Variants in LUZP2 observed in about 807,000 individuals in gnomAD.
LUZP2 encodes leucine zipper protein 2.
A neutral mutation model predicts 51.6 loss-of-function variants in LUZP2; 52 were observed. That is an observed-to-expected ratio of 1.01 (90% CI 0.81 to 1.27). The LOEUF (loss-of-function observed/expected upper bound fraction) is 1.27. Ranked by LOEUF, LUZP2 falls within the 50% of genes most tolerant of loss-of-function variation. The pLI is 0.00. For synonymous variants in LUZP2, 154 were observed against 137.3 expected (o/e 1.12, Z -0.85); for missense variants, 436 against 395.4 (o/e 1.10, Z -0.87).
chr11:24,836,847 G>T (rs932671367), intron 5 of LUZP2, among the ~76,000 whole-genome samples: 1 of 151,800 alleles, frequency 6.6e-6, no homozygotes, highest in Admixed American at 6.6e-5. Context: ...TAAAGTCCAA[G>T]TTTAGCTGGT....
intron 5 of LUZP2, among the ~76,000 whole-genome samples, chr11:24,812,184 T>C (rs1213260733): frequency 6.9e-6 from 1 of 144,748 alleles, no homozygotes; most frequent in Non-Finnish European, 1.5e-5. Flanking sequence ...TGAGGATGCA[T>C]TGCAGAATGA....
At chr11:24,665,182 G>A (rs113059293) in intron 1 of LUZP2, among the ~76,000 whole-genome samples, 2,278 of 152,234 alleles carry the variant, frequency 0.015, 26 homozygotes, top group Middle Eastern at 0.041. Flanking sequence ...GATCATTTTG[G>A]AACTTTAAGA....
At chr11:24,596,411 T>A (rs900360933) in intron 1 of LUZP2, among the ~76,000 whole-genome samples, 1 of 152,190 alleles carries the variant, frequency 6.6e-6, no homozygotes, top group African/African-American at 2.4e-5. Flanking sequence ...CTAAACTTAA[T>A]GAGAGATTTG....
chr11:24,633,126 AT>A (rs1328480335), intron 1 of LUZP2, among the ~76,000 whole-genome samples: 1 of 151,994 alleles, frequency 6.6e-6, no homozygotes, highest in African/African-American at 2.4e-5. Context: ...TGATGACCAT[AT>A]GTAAAATTAC....
At chr11:24,586,662 C>G (rs1397440425) in intron 1 of LUZP2, among the ~76,000 whole-genome samples, 4 of 151,984 alleles carry the variant, frequency 2.6e-5, no homozygotes, top group African/African-American at 4.8e-5. Flanking sequence ...AGTTTAGGTA[C>G]TCCATTTTGA....
At chr11:25,058,696 C>A (rs549602890) in intron 10 of LUZP2, among the ~76,000 whole-genome samples, 10 of 152,186 alleles carry the variant, frequency 6.6e-5, no homozygotes, top group African/African-American at 2.2e-4. Context: ...GGTGACTTGC[C>A]CAGAGGCACC....
At chr11:25,074,326 C>G (rs1478829730) in intron 10 of LUZP2, among the ~76,000 whole-genome samples, 1 of 152,132 alleles carries the variant, frequency 6.6e-6, no homozygotes, top group East Asian at 1.9e-4. Flanking sequence ...CTGAGACTCA[C>G]TAACAATTTT....
At position 24,811,510 on chromosome 11, in the gene LUZP2, T is replaced by C. The variant is rs560585853; in HGVS notation, c.396+48202T>C. Among the ~76,000 whole-genome samples, 28 of 152,212 alleles carry C rather than the reference T, an allele frequency of 1.8e-4. No individual in the cohort carries two copies. The South Asian group carries it at 5.6e-3, about 30-fold the overall frequency. On this transcript the variant is annotated intron_variant, in intron 5 of 11. Transcript: ENST00000336930. ...GGAGTAATCCTTTTTTTTTTACTTT[T>C]ATTTTAGTTTCAGGAGTACATGTGC...
chr11:24,779,414 C>T lies in LUZP2; in HGVS notation c.396+16106C>T, dbSNP rs142973629. 1.8e-3 allele frequency among the ~76,000 whole-genome samples: 267 copies of T among 152,224 alleles called. 3 individuals carry two copies. Among genetic ancestry groups the T allele is most frequent in the African/African-American group, 6.1e-3 (252 of 41,548 alleles). ...CCAGCTTTTCATCATACATGTCACACTTAACATTTGAGATACTTAAATGCT... is the reference window on the plus strand; with the variant it reads ...CCAGCTTTTCATCATACATGTCACATTTAACATTTGAGATACTTAAATGCT... On this transcript the variant is annotated intron_variant, in intron 5 of 11. Coordinates refer to ENST00000336930, the MANE Select transcript of LUZP2 (RefSeq NM_001009909.4).
intron 5 of LUZP2, among the ~76,000 whole-genome samples, chr11:24,831,136 ACTAT>A (rs1261374972): frequency 1.3e-5 from 2 of 152,230 alleles, no homozygotes; most frequent in South Asian, 2.1e-4. Context: ...CAAACAACTG[ACTAT>A]CTAGCAGTTA....
At chr11:24,956,681 T>C (rs1855221942) in intron 7 of LUZP2, among the ~76,000 whole-genome samples, 1 of 152,090 alleles carries the variant, frequency 6.6e-6, no homozygotes, top group Non-Finnish European at 1.5e-5. Context: ...TGATTTCTTA[T>C]GTTTGGGTAG....
intron 5 of LUZP2, among the ~76,000 whole-genome samples, chr11:24,897,726 A>G (rs1479848590): frequency 6.6e-6 from 1 of 152,128 alleles, no homozygotes; most frequent in Non-Finnish European, 1.5e-5. Flanking sequence ...GAACCCACCA[A>G]TTTCGGACAC....
At chr11:24,508,971 C>A (rs916043127) in intron 1 of LUZP2, among the ~76,000 whole-genome samples, 4 of 151,974 alleles carry the variant, frequency 2.6e-5, no homozygotes, top group Non-Finnish European at 5.9e-5. Context: ...TAAAAGTTAG[C>A]AATAAAATTT....
At chr11:24,826,189 AAAT>A (rs1455740735) in intron 5 of LUZP2, among the ~76,000 whole-genome samples, 5 of 77,764 alleles carry the variant, frequency 6.4e-5, no homozygotes, top group South Asian at 4.8e-4. Flanking sequence ...AAAAAAAAAA[AAAT>A]ATATATATAT....
chr11:24,871,468 T>A (rs917926245), intron 5 of LUZP2, among the ~76,000 whole-genome samples: 4 of 152,098 alleles, frequency 2.6e-5, no homozygotes, highest in African/African-American at 9.7e-5. Context: ...TCTGTACATT[T>A]TGCTGTAAAC....
intron 9 of LUZP2, among the ~76,000 whole-genome samples, chr11:25,038,893 G>C (rs1857947774): frequency 3.9e-5 from 6 of 152,150 alleles, no homozygotes; most frequent in Admixed American, 3.3e-4. Context: ...TCTTGGTTTT[G>C]CAGGGGGTAG....
chr11:25,023,573 A>C lies in LUZP2; in HGVS notation c.766-26465A>C, dbSNP rs1040173435. Among the ~76,000 whole-genome samples, 6 of 28,570 alleles carry C rather than the reference A, an allele frequency of 2.1e-4. No individual in the cohort carries two copies. In the African/African-American group the frequency reaches 2.5e-3, roughly 12 times the overall value. The allele number at this position is 28,570 out of a possible 152,430, so 18.7% of individuals were successfully genotyped here. ...TCTTGCTAGCGGTATATCAATTTTC[A>C]AAAAAACCAGCTCCTGGATTCATTG... On this transcript the variant is annotated intron_variant, in intron 9 of 11. Coordinates refer to ENST00000336930, the MANE Select transcript of LUZP2 (RefSeq NM_001009909.4).
Position 25,031,015 on chromosome 11 carries a change from A to ATT in LUZP2, c.766-19009_766-19008dup, listed in dbSNP as rs34776436. Among the ~76,000 whole-genome samples the ATT allele has an allele frequency of 7.6e-4, 9 of 11,878 alleles. 1 individual carries two copies. The highest frequency in any genetic ancestry group is 1.8e-3 in the African/African-American group (6 of 3,316). The allele number at this position is 11,878 out of a possible 152,430, so 7.8% of individuals were successfully genotyped here. A position where few individuals can be genotyped will look rare whatever the true frequency, so the allele number is the denominator to read the frequency against. ...ATATATTATATATATATATATATAT[A>ATT]TTTTTTTTTTTTTTTGAGACAGAGT... On this transcript the variant is annotated intron_variant, in intron 9 of 11. Transcript: ENST00000336930.
At position 24,936,570 on chromosome 11, in the gene LUZP2, G is replaced by T. The variant is rs554388525; in HGVS notation, c.522+22032G>T. Among the ~76,000 whole-genome samples the T allele has an allele frequency of 2.6e-5, 4 of 151,426 alleles. No homozygotes were observed. The South Asian group carries it at 8.4e-4, about 32-fold the overall frequency. ...TTTTTTTCCTTATACAATAATGACT[G>T]TTGGAGAAGCCCCTCTCATTCCTGA... On this transcript the variant is annotated intron_variant, in intron 7 of 11. Transcript: ENST00000336930.
Sources: allele counts gnomAD v4.1 joint callset (sites outside exome capture counted in the v4.1 genomes callset), GRCh38; gene constraint gnomAD v4.1.1; transcripts MANE v1.5; gene names NCBI Gene and HGNC (gene_info 2026-07-23, HGNC 2026-07-21).